The following DYM variants were observed in gnomAD, a reference collection of about 807,000 sequenced individuals.
DYM encodes the protein dyggve-Melchior-Clausen syndrome protein.
In DYM, 78 loss-of-function variants were observed where a neutral mutation model predicts 93.1. The ratio of observed to expected loss-of-function variants is 0.84; its 90% CI spans 0.70 to 1.01. The LOEUF (loss-of-function observed/expected upper bound fraction) is 1.01. Ranked by LOEUF, DYM falls within the 50% of genes least tolerant of loss-of-function variation. DYM has a pLI of 0.00. For missense variants in DYM, 789 were observed against 845.0 expected, an observed-to-expected ratio of 0.93 and a Z score of 0.82; for synonymous variants, 321 against 319.7, an observed-to-expected ratio of 1.00 and a Z score of -0.04.
intron 8 of DYM, chr18:49,329,466 G>C (rs377247696): frequency 4.6e-5 from 7 of 152,088 alleles, no homozygotes; most frequent in Admixed American, 2.0e-4. Context: ...AGAGTATCAG[G>C]GTGCAACAAA....
chr18:49,097,489 C>A lies in DYM; in HGVS notation c.1938G>T (p.Leu646Phe). Reference sequence around the variant, plus strand: ...CTGACAGCTCAGCTCCAGCTTGCAGCAACCTTGAGCTAAAGAAGGAGATCA... The same window carrying A: ...CTGACAGCTCAGCTCCAGCTTGCAGAAACCTTGAGCTAAAGAAGGAGATCA... ...DLVISFFSSR[L>F]LQAGAELSVE... is the part of the protein sequence containing the mutation. The change falls in exon 17 of 18, where the codon TTG becomes TTT. Residue 646 changes from leucine to phenylalanine, a missense_variant. Transcript: ENST00000675505. 1 of 1,614,004 alleles carries A rather than the reference C, an allele frequency of 6.2e-7. No homozygotes were observed. Among genetic ancestry groups the A allele is most frequent in the South Asian group, 1.1e-5 (1 of 91,082 alleles).
chr18:49,186,289 A>G (rs532783628), intron 14 of DYM, among the ~76,000 whole-genome samples: 19 of 152,164 alleles, frequency 1.2e-4, no homozygotes, highest in African/African-American at 4.6e-4. Context: ...GTTCAAACAC[A>G]CTTCTAATCA....
intron 2 of DYM, among the ~76,000 whole-genome samples, chr18:49,416,388 T>C (rs371695915): frequency 4.6e-5 from 7 of 152,178 alleles, no homozygotes; most frequent in African/African-American, 1.7e-4. Flanking sequence ...CCATGCTACA[T>C]GGTCTCCATT....
chr18:49,077,724 C>T (rs1568381236), intron 17 of DYM, among the ~76,000 whole-genome samples: 1 of 152,220 alleles, frequency 6.6e-6, no homozygotes, highest in East Asian at 1.9e-4. Context: ...GAAGTATCCT[C>T]ATTCACCTTT....
intron 1 of DYM, among the ~76,000 whole-genome samples, chr18:49,440,993 T>TTTATATA (rs1353755853): frequency 0.03 from 79 of 2,618 alleles, 30 homozygotes; most frequent in Non-Finnish European, 0.037. Flanking sequence ...ATATAATATA[T>TTTATATA]AATATATTTA....
intron 11 of DYM, among the ~76,000 whole-genome samples, chr18:49,265,778 CAAAA>C (rs202068472): frequency 1.9e-5 from 1 of 53,118 alleles, no homozygotes; most frequent in African/African-American, 8.2e-5. Flanking sequence ...AACTCCATCT[CAAAA>C]AAAAAAAAAA....
chr18:49,312,720 G>C (rs1024418333), intron 8 of DYM, among the ~76,000 whole-genome samples: 1 of 152,160 alleles, frequency 6.6e-6, no homozygotes, highest in Non-Finnish European at 1.5e-5. Flanking sequence ...AGGTGACCGG[G>C]GGCATGTCAG....
At chr18:49,138,989 CGA>C (rs2084160046) in intron 15 of DYM, among the ~76,000 whole-genome samples, 1 of 151,976 alleles carries the variant, frequency 6.6e-6, no homozygotes, top group Admixed American at 6.6e-5. Flanking sequence ...CCAATCTCTC[CGA>C]GAGTTAGACT....
intron 2 of DYM, among the ~76,000 whole-genome samples, chr18:49,392,932 T>C (rs1380488573): frequency 1.4e-5 from 2 of 144,310 alleles, no homozygotes; most frequent in African/African-American, 5.1e-5. Flanking sequence ...GAGGCAGAGG[T>C]TACAGTGAGC....
At chr18:49,442,021 G>A (rs1384302521) in intron 1 of DYM, among the ~76,000 whole-genome samples, 2 of 152,144 alleles carry the variant, frequency 1.3e-5, no homozygotes, top group African/African-American at 2.4e-5. Context: ...GAGACTGAAG[G>A]ATTCCTCTCA....
At chr18:49,202,052 C>G (rs2092034494) in intron 14 of DYM, among the ~76,000 whole-genome samples, 2 of 152,156 alleles carry the variant, frequency 1.3e-5, no homozygotes, top group African/African-American at 4.8e-5. Flanking sequence ...CCCTTCTTAC[C>G]CAACAGCAGA....
intron 16 of DYM, among the ~76,000 whole-genome samples, chr18:49,114,201 G>A (rs2081707091): frequency 6.6e-6 from 1 of 152,202 alleles, no homozygotes; most frequent in Admixed American, 6.5e-5. Context: ...TGTAAAGTGG[G>A]ATAATAATCC....
chr18:49,182,567 A>AC (rs1426041333), intron 14 of DYM, among the ~76,000 whole-genome samples: 1 of 152,144 alleles, frequency 6.6e-6, no homozygotes, highest in African/African-American at 2.4e-5. Flanking sequence ...CTCTGAAGTC[A>AC]CTTTGCCTGA....
intron 14 of DYM, among the ~76,000 whole-genome samples, chr18:49,170,712 G>A (rs998769739): frequency 3.7e-5 from 5 of 136,318 alleles, no homozygotes; most frequent in African/African-American, 5.3e-5. Flanking sequence ...CTGGGAGGCA[G>A]AGGTTGCAGT....
intron 17 of DYM, among the ~76,000 whole-genome samples, chr18:49,096,839 G>C (rs1421553375): frequency 2.6e-5 from 4 of 152,170 alleles, no homozygotes; most frequent in Non-Finnish European, 5.9e-5. Context: ...AATTATGAAT[G>C]TGGGCACTGG....
intron 14 of DYM, among the ~76,000 whole-genome samples, chr18:49,201,626 A>G (rs999794138): frequency 6.6e-6 from 1 of 152,226 alleles, no homozygotes; most frequent in African/African-American, 2.4e-5. Context: ...ACTCGTTGCA[A>G]TACTGATTAA....
At chr18:49,312,846 G>C (rs1233205548) in intron 8 of DYM, among the ~76,000 whole-genome samples, 1 of 152,124 alleles carries the variant, frequency 6.6e-6, no homozygotes, top group Non-Finnish European at 1.5e-5. Context: ...AGAGCTAAAT[G>C]GAAGGTAGGT....
At chr18:49,238,813 CT>C (rs1270211112) in intron 13 of DYM, among the ~76,000 whole-genome samples, 1 of 151,416 alleles carries the variant, frequency 6.6e-6, no homozygotes, top group African/African-American at 2.4e-5. Context: ...AAAAGAAACA[CT>C]CCTCCAGCCA....
chr18:49,303,705 G>A (rs927084126), intron 8 of DYM, among the ~76,000 whole-genome samples: 1 of 152,212 alleles, frequency 6.6e-6, no homozygotes, highest in African/African-American at 2.4e-5. Flanking sequence ...AAGGACCACA[G>A]ACAGGCCAAA....
Sources: gnomAD v4.1 joint callset for allele counts (sites outside exome capture counted in the v4.1 genomes callset) on GRCh38, gnomAD v4.1.1 for gene constraint, MANE v1.5 for transcripts, NCBI Gene and HGNC (gene_info 2026-07-23, HGNC 2026-07-21) for gene names.